RNF135: variants seen among roughly 807,000 people sequenced by gnomAD.
The protein encoded by RNF135 is E3 ubiquitin-protein ligase RNF135.
RNF135 carries 46 observed loss-of-function variants against 41.9 expected under a neutral mutation model. That is an observed-to-expected ratio of 1.10 (90% CI 0.87 to 1.40). The LOEUF (loss-of-function observed/expected upper bound fraction) is 1.40, where lower values mean the gene tolerates loss of function less well. Ranked by LOEUF, RNF135 falls within the 40% of genes most tolerant of loss-of-function variation. The pLI is 0.00. For missense variants in RNF135, 539 were observed against 549.8 expected, an observed-to-expected ratio of 0.98 and a Z score of 0.20; for synonymous variants, 238 against 223.8, an observed-to-expected ratio of 1.06 and a Z score of -0.57.
chr17:30,995,380 T>G (rs1908282380), intron 3 of RNF135, among the ~76,000 whole-genome samples: 1 of 150,432 alleles, frequency 6.6e-6, no homozygotes, highest in Admixed American at 6.6e-5. Flanking sequence ...AGAGCGAGAC[T>G]CAGTCTCAAA....
upstream of RNF135, among the ~76,000 whole-genome samples, chr17:30,966,091 T>C (rs1905537938): frequency 6.6e-6 from 1 of 152,194 alleles, no homozygotes; most frequent in South Asian, 2.1e-4. Context: ...TTTTGTGGCC[T>C]TTCAATGGTT....
chr17:30,988,994 G>A (rs1461336654), intron 3 of RNF135, among the ~76,000 whole-genome samples: 2 of 128,254 alleles, frequency 1.6e-5, no homozygotes, highest in African/African-American at 5.9e-5. Context: ...TCAAACTCCT[G>A]ACTGCAAGGC....
At chr17:30,970,963 A>G, upstream of RNF135, 1 of 1,454,416 alleles carries the variant, frequency 6.9e-7, no homozygotes, top group East Asian at 2.5e-5. Flanking sequence ...AGGAGGAGAA[A>G]AGGCGGCCGA....
upstream of RNF135, chr17:30,970,635 C>T: frequency 5.1e-6 from 1 of 194,892 alleles, no homozygotes. Context: ...GATGACACTT[C>T]GTGGGCTCAT....
chr17:30,983,560 G>T (rs6505223), intron 1 of RNF135, among the ~76,000 whole-genome samples: 26,348 of 150,408 alleles, frequency 0.18, 7,240 homozygotes, highest in African/African-American at 0.59. Context: ...CACCAGGTTG[G>T]CCAGGATGAT....
intron 3 of RNF135, among the ~76,000 whole-genome samples, chr17:30,993,630 A>G (rs1207462023): frequency 9.2e-5 from 14 of 152,128 alleles, no homozygotes; most frequent in Admixed American, 9.2e-4. Context: ...GATTCTTTGG[A>G]AAAAATTTCC....
upstream of RNF135, among the ~76,000 whole-genome samples, chr17:30,968,550 T>TA (rs921265049): frequency 4.6e-5 from 7 of 151,662 alleles, no homozygotes; most frequent in African/African-American, 1.7e-4. Flanking sequence ...CACGCCCGGC[T>TA]AATTTTTTTT....
chr17:30,989,108 G>A (rs1002634982), intron 3 of RNF135, among the ~76,000 whole-genome samples: 3 of 149,320 alleles, frequency 2.0e-5, no homozygotes, highest in East Asian at 2.1e-4. Context: ...AGTGGCTCAC[G>A]CCTGTAATCC....
rs749893166 is a variant in RNF135 at position 30,971,313 on chromosome 17, C to A, written c.240C>A (p.Asp80Glu). ...TGCGGAAGAACACGCTACTGCAGGA[C>A]CTGGCCGACAAGTACCGCCGCGCCG... ...PHLRKNTLLQ[D>E]LADKYRRAAR... The change falls in exon 1 of 5, where the codon GAC (aspartate) becomes GAA (glutamate). Residue 80 changes from aspartate to glutamate, a missense_variant. Physicochemically the swap from Asp to Glu is conservative, Grantham distance 45. Coordinates refer to ENST00000328381, the MANE Select transcript of RNF135 (RefSeq NM_032322.4). The A allele has an allele frequency of 7.8e-6, 12 of 1,534,172 alleles. No individual in the cohort carries two copies. The East Asian group carries it at 2.3e-4, about 29-fold the overall frequency.
chr17:30,995,160 G>T (rs1400520488), intron 3 of RNF135, among the ~76,000 whole-genome samples: 1 of 151,950 alleles, frequency 6.6e-6, no homozygotes, highest in South Asian at 2.1e-4. Context: ...GGCCGAGGCG[G>T]GTGGATCACT....
At chr17:30,976,866 A>T (rs1405872171) in intron 1 of RNF135, among the ~76,000 whole-genome samples, 8 of 152,086 alleles carry the variant, frequency 5.3e-5, no homozygotes, top group African/African-American at 1.9e-4. Flanking sequence ...GGAATAGATC[A>T]TTGGGTCTTG....
intron 1 of RNF135, among the ~76,000 whole-genome samples, chr17:30,980,431 T>C (rs1598086831): frequency 1.6e-5 from 2 of 121,408 alleles, no homozygotes; most frequent in African/African-American, 3.2e-5. Context: ...GGCTCCTCAC[T>C]TCCCAGTAGG....
At chr17:30,996,089 T>C (rs1431287712) in intron 3 of RNF135, among the ~76,000 whole-genome samples, 31 of 107,568 alleles carry the variant, frequency 2.9e-4, no homozygotes, top group African/African-American at 2.6e-3. Context: ...AATTCATTAC[T>C]TTTTTTTTTT....
chr17:30,996,985 A>G (rs1481544113), intron 3 of RNF135, among the ~76,000 whole-genome samples: 26 of 152,202 alleles, frequency 1.7e-4, no homozygotes. Context: ...TGCTTAGAAC[A>G]TATAGATGAA....
intron 3 of RNF135, among the ~76,000 whole-genome samples, chr17:30,989,155 A>G (rs1219897749): frequency 6.6e-6 from 1 of 151,260 alleles, no homozygotes; most frequent in African/African-American, 2.4e-5. Context: ...GGATCTCTTG[A>G]GGCCAGGAGT....
chr17:30,969,913 C>T (rs1233089503), upstream of RNF135, among the ~76,000 whole-genome samples: 1 of 151,932 alleles, frequency 6.6e-6, no homozygotes, highest in Non-Finnish European at 1.5e-5. Context: ...TACAGGCATG[C>T]GCCAGGGCGC....
the RNF135 span, among the ~76,000 whole-genome samples, chr17:30,963,826 T>C: frequency 1.5e-4 from 23 of 151,902 alleles, no homozygotes; most frequent in Admixed American, 1.5e-3. Context: ...GAGAAAAAAA[T>C]GGGGTGAGGC....
chr17:30,966,504 T>C (rs1168178282), upstream of RNF135, among the ~76,000 whole-genome samples: 1 of 151,402 alleles, frequency 6.6e-6, no homozygotes, highest in Non-Finnish European at 1.5e-5. Flanking sequence ...CAAATTCTTT[T>C]TTTTGTTTTT....
At chr17:30,964,389 CA>C in the RNF135 span, among the ~76,000 whole-genome samples, 6,576 of 37,142 alleles carry the variant, frequency 0.18, 60 homozygotes, top group East Asian at 0.32. Context: ...GACTTCATCT[CA>C]AAAAAAAAAA....
Sources: gnomAD v4.1 joint callset for allele counts (sites outside exome capture counted in the v4.1 genomes callset) on GRCh38, gnomAD v4.1.1 for gene constraint, MANE v1.5 for transcripts, NCBI Gene and HGNC (gene_info 2026-07-23, HGNC 2026-07-21) for gene names.